GRM7: variants seen among roughly 807,000 people sequenced by gnomAD.
The protein encoded by GRM7 is metabotropic glutamate receptor 7.
GRM7 carries 35 observed loss-of-function variants against 84.5 expected under a neutral mutation model. That is an observed-to-expected ratio of 0.41 (90% CI 0.32 to 0.55). The LOEUF is 0.55. Among genes scored for constraint, GRM7 ranks in the 20% least tolerant of loss-of-function variants. The probability of loss-of-function intolerance (pLI) is 0.19; values close to 1 mark genes in which losing one functional copy is unlikely to be tolerated. For synonymous variants in GRM7, 487 were observed against 455.1 expected (o/e 1.07, Z -0.89); for missense variants, 1,003 against 1,194.6 (o/e 0.84, Z 2.36).
Position 6,972,469 on chromosome 3 carries a change from T to G in GRM7, c.519+110562T>G, listed in dbSNP as rs1440922554. Among the ~76,000 whole-genome samples, 4 of 152,146 alleles carry G rather than the reference T, an allele frequency of 2.6e-5. 1 individual carries two copies. Among genetic ancestry groups the G allele is most frequent in the African/African-American group, 9.7e-5 (4 of 41,418 alleles). On this transcript the variant is annotated intron_variant, in intron 1 of 9. Transcript: ENST00000357716. ...CCATAATGATACAAATCATGTGAGG[T>G]TCCTCGCTTTTACTTTCTTTTCATC...
chr3:7,272,253 A>G (rs1183907688), intron 2 of GRM7, among the ~76,000 whole-genome samples: 2 of 152,108 alleles, frequency 1.3e-5, no homozygotes, highest in African/African-American at 4.8e-5. Context: ...CTCACCTGCC[A>G]TACAATGCAG....
chr3:7,356,269 C>T (rs1328029952), intron 4 of GRM7, among the ~76,000 whole-genome samples: 2 of 151,704 alleles, frequency 1.3e-5, no homozygotes, highest in Admixed American at 6.6e-5. Context: ...CATGAATGTT[C>T]ATCAAAAGGT....
At chr3:7,168,146 C>T (rs1158980026) in intron 2 of GRM7, among the ~76,000 whole-genome samples, 2 of 152,044 alleles carry the variant, frequency 1.3e-5, no homozygotes, top group Non-Finnish European at 2.9e-5. Flanking sequence ...CACATTCCAC[C>T]CCTTTAGTTT....
chr3:7,615,370 T>C (rs1697034239), intron 8 of GRM7, among the ~76,000 whole-genome samples: 1 of 152,162 alleles, frequency 6.6e-6, no homozygotes, highest in South Asian at 2.1e-4. Context: ...CTTACTTATT[T>C]TTCCCTTACA....
intron 2 of GRM7, among the ~76,000 whole-genome samples, chr3:7,240,001 A>G (rs996930874): frequency 1.3e-5 from 2 of 152,052 alleles, no homozygotes; most frequent in African/African-American, 4.8e-5. Flanking sequence ...CGTTTTATCA[A>G]TTAATTCTCC....
At chr3:7,460,471 G>T (rs1036784371) in intron 6 of GRM7, among the ~76,000 whole-genome samples, 1 of 151,966 alleles carries the variant, frequency 6.6e-6, no homozygotes, top group African/African-American at 2.4e-5. Flanking sequence ...GCATTGCTTT[G>T]GTGCCATCAA....
At chr3:7,280,566 A>T (rs1699219335) in intron 2 of GRM7, among the ~76,000 whole-genome samples, 1 of 152,178 alleles carries the variant, frequency 6.6e-6, no homozygotes, top group South Asian at 2.1e-4. Flanking sequence ...TCACAGTGCT[A>T]CCTATTTCAT....
rs947869321 is a variant in GRM7 at position 7,562,976 on chromosome 3, CAA to C, written c.1516-15445_1516-15444del. ...TATCCTTTAGTTCAGAAAAGGGAAA[CAA>C]GAGATTCAAAACTTATAAAAATAGA... On this transcript the variant is annotated intron_variant, in intron 7 of 9. Transcript: ENST00000357716. Among the ~76,000 whole-genome samples, 64 of 151,910 alleles carry C rather than the reference CAA, an allele frequency of 4.2e-4. 1 individual carries two copies. Among genetic ancestry groups the C allele is most frequent in the Non-Finnish European group, 1.2e-4 (8 of 67,950 alleles).
intron 1 of GRM7, among the ~76,000 whole-genome samples, chr3:7,023,210 C>A: frequency 6.6e-6 from 1 of 152,230 alleles, no homozygotes; most frequent in East Asian, 1.9e-4. Flanking sequence ...AGTCTCTTCT[C>A]TAGTTATTGA....
At chr3:7,526,685 C>G (rs1480156723) in intron 7 of GRM7, among the ~76,000 whole-genome samples, 3 of 151,870 alleles carry the variant, frequency 2.0e-5, no homozygotes, top group African/African-American at 7.3e-5. Context: ...TTTAACTCAT[C>G]TTGAGTTAAT....
chr3:7,667,819 CAT>C (rs1341678445), intron 8 of GRM7, among the ~76,000 whole-genome samples: 1 of 144,462 alleles, frequency 6.9e-6, no homozygotes, highest in Non-Finnish European at 1.5e-5. Context: ...AAACAAAACA[CAT>C]ATAGGGTCTC....
At chr3:7,314,670 C>A (rs892361610) in intron 4 of GRM7, among the ~76,000 whole-genome samples, 2 of 151,972 alleles carry the variant, frequency 1.3e-5, no homozygotes, top group African/African-American at 4.8e-5. Context: ...CCTATTTTCA[C>A]TTAGTTCTTT....
intron 5 of GRM7, among the ~76,000 whole-genome samples, chr3:7,423,918 G>C (rs2124833527): frequency 6.6e-6 from 1 of 152,006 alleles, no homozygotes; most frequent in East Asian, 1.9e-4. Flanking sequence ...TACCATCCTG[G>C]GCACTGAAAG....
intron 6 of GRM7, among the ~76,000 whole-genome samples, chr3:7,456,075 G>C (rs1697997305): frequency 6.6e-6 from 1 of 151,726 alleles, no homozygotes; most frequent in Admixed American, 6.6e-5. Context: ...CCTAATACTT[G>C]TATAACCAAT....
chr3:7,371,406 A>G (rs1163417248), intron 4 of GRM7, among the ~76,000 whole-genome samples: 1 of 152,164 alleles, frequency 6.6e-6, no homozygotes, highest in Non-Finnish European at 1.5e-5. Context: ...GGCATAATTA[A>G]TTTATAACCA....
chr3:7,169,803 C>A (rs17824974), intron 2 of GRM7, among the ~76,000 whole-genome samples: 39,490 of 151,768 alleles, frequency 0.26, 5,694 homozygotes, highest in Non-Finnish European at 0.33. Context: ...GCAATTGTAC[C>A]AGCCTGAGCT....
chr3:7,337,831 A>G (rs997205784), intron 4 of GRM7, among the ~76,000 whole-genome samples: 3 of 152,028 alleles, frequency 2.0e-5, no homozygotes, highest in African/African-American at 7.2e-5. Context: ...TACAACCACT[A>G]TAGAAAACTG....
At chr3:7,454,090 A>ACACTCTCTCT (rs1365192243) in intron 6 of GRM7, among the ~76,000 whole-genome samples, 9,526 of 139,442 alleles carry the variant, frequency 0.068, 492 homozygotes, top group East Asian at 0.31. Context: ...CTACACACAC[A>ACACTCTCTCT]CTCTCTCTCT....
At chr3:7,665,332 C>T (rs960069092) in intron 8 of GRM7, among the ~76,000 whole-genome samples, 4 of 151,156 alleles carry the variant, frequency 2.6e-5, no homozygotes, top group South Asian at 2.1e-4. Context: ...CCACCGCACC[C>T]GGCTAATTTT....
Sources: gnomAD v4.1 joint callset for allele counts (sites outside exome capture counted in the v4.1 genomes callset) on GRCh38, gnomAD v4.1.1 for gene constraint, MANE v1.5 for transcripts, NCBI Gene and HGNC (gene_info 2026-07-23, HGNC 2026-07-21) for gene names.